The following CACNA1E variants were observed in gnomAD, a reference collection of about 807,000 sequenced individuals.
CACNA1E encodes the protein calcium voltage-gated channel subunit alpha1 E, also known as voltage-dependent R-type calcium channel subunit alpha-1E.
A neutral mutation model predicts 259.2 loss-of-function variants in CACNA1E; 40 were observed. The observed-to-expected ratio is 0.15, with a 90% CI of 0.12 to 0.20. The LOEUF (loss-of-function observed/expected upper bound fraction) is 0.20. Ranked by LOEUF, CACNA1E falls within the 10% of genes least tolerant of loss-of-function variation. CACNA1E has a pLI of 1.00. For synonymous variants in CACNA1E, 1,104 were observed against 1,138.5 expected, an observed-to-expected ratio of 0.97 and a Z score of 0.61; for missense variants, 1,874 against 3,040.1, an observed-to-expected ratio of 0.62 and a Z score of 9.02.
At chr1:181,588,274 T>C (rs912167853) in intron 6 of CACNA1E, among the ~76,000 whole-genome samples, 1 of 151,916 alleles carries the variant, frequency 6.6e-6, no homozygotes, top group African/African-American at 2.4e-5. Flanking sequence ...CTCCTCAGAG[T>C]GTCTGTCTCT....
At chr1:181,464,799 T>C (rs1662052188) in intron 2 of CACNA1E, among the ~76,000 whole-genome samples, 2 of 152,330 alleles carry the variant, frequency 1.3e-5, no homozygotes, top group African/African-American at 4.8e-5. Context: ...TACTTCACTT[T>C]ACAGCTATGT....
At chr1:181,718,290 TAAGATTAGCTA>T (rs1427569289) in intron 12 of CACNA1E, 123 bp downstream of exon 12, 1 of 592,102 alleles carries the variant, frequency 1.7e-6, no homozygotes. Flanking sequence ...GCGGAATAGA[TAAGATTAGCTA>T]AAGGGAATTC....
chr1:181,552,037 C>T (rs2102843886), intron 3 of CACNA1E, among the ~76,000 whole-genome samples: 1 of 152,280 alleles, frequency 6.6e-6, no homozygotes, highest in Non-Finnish European at 1.5e-5. Context: ...AACATTCATA[C>T]TTTTCTCAGC....
intron 1 of CACNA1E, among the ~76,000 whole-genome samples, chr1:181,402,996 G>T (rs1219868221): frequency 6.6e-6 from 1 of 152,140 alleles, no homozygotes; most frequent in African/African-American, 2.4e-5. Flanking sequence ...TAATAAACAT[G>T]AATTTCAGGT....
chr1:181,449,588 G>T (rs1661016298), intron 2 of CACNA1E, among the ~76,000 whole-genome samples: 5 of 152,162 alleles, frequency 3.3e-5, no homozygotes, highest in Admixed American at 3.3e-4. Flanking sequence ...CTTAGCTTCT[G>T]CATTGAGAGT....
intron 6 of CACNA1E, among the ~76,000 whole-genome samples, chr1:181,617,442 C>T (rs1481109665): frequency 2.6e-5 from 4 of 152,166 alleles, no homozygotes; most frequent in Admixed American, 1.3e-4. Flanking sequence ...GAAGGTGGGA[C>T]AGAGATCATC....
chr1:181,509,797 C>T (rs1046461930), intron 1 of CACNA1E, among the ~76,000 whole-genome samples: 7 of 152,166 alleles, frequency 4.6e-5, no homozygotes, highest in East Asian at 1.9e-4. Context: ...ATTCCAGACT[C>T]GTGATCAGTC....
In CACNA1E at chr1:181,594,818, C is replaced by T. The variant is rs369690040; in HGVS notation, c.951+14042C>T. Among the ~76,000 whole-genome samples the T allele has an allele frequency of 9.8e-5, 15 of 152,316 alleles. No homozygotes were observed. The East Asian group carries it at 2.1e-3, about 22-fold the overall frequency. ...AGGAACACCAATTCAGTACTTAGTG[C>T]ATACAATGGCTGTAAGAATTAAAGA... On this transcript the variant is annotated intron_variant, in intron 6 of 47. Transcript: ENST00000367573.
intron 3 of CACNA1E, among the ~76,000 whole-genome samples, chr1:181,558,698 T>C (rs1301570806): frequency 6.6e-6 from 1 of 152,180 alleles, no homozygotes; most frequent in Non-Finnish European, 1.5e-5. Context: ...GACATTATTC[T>C]AAAGTCAGCA....
intron 1 of CACNA1E, among the ~76,000 whole-genome samples, chr1:181,389,635 G>A (rs73042282): frequency 0.03 from 4,630 of 152,334 alleles, 215 homozygotes; most frequent in African/African-American, 0.094. Flanking sequence ...GGAGGTCCCA[G>A]GTAGTGGCTT....
At chr1:181,384,859 T>C (rs1655725836) in intron 1 of CACNA1E, among the ~76,000 whole-genome samples, 1 of 152,114 alleles carries the variant, frequency 6.6e-6, no homozygotes, top group Non-Finnish European at 1.5e-5. Context: ...CTGCACATTG[T>C]GCACACGTAC....
chr1:181,541,254 G>A (rs1274212595), intron 3 of CACNA1E, among the ~76,000 whole-genome samples: 1 of 152,108 alleles, frequency 6.6e-6, no homozygotes, highest in South Asian at 2.1e-4. Flanking sequence ...GATTTAACAG[G>A]TTTTTAGGCA....
intron 2 of CACNA1E, among the ~76,000 whole-genome samples, chr1:181,432,917 T>A (rs1659814665): frequency 6.6e-6 from 1 of 152,242 alleles, no homozygotes; most frequent in East Asian, 1.9e-4. Flanking sequence ...TTTAATCCAA[T>A]GCACCAAAAA....
chr1:181,645,961 G>T (rs1658230481), intron 6 of CACNA1E, among the ~76,000 whole-genome samples: 1 of 152,218 alleles, frequency 6.6e-6, no homozygotes, highest in Non-Finnish European at 1.5e-5. Context: ...GCTGGCCTGT[G>T]AGGTGCAGGA....
Position 181,473,969 on chromosome 1 carries a change from G to T in CACNA1E, c.435-9775G>T, listed in dbSNP as rs377703108. On this transcript the variant is annotated intron_variant, in intron 2 of 11. Transcript: ENST00000524607. ...TTTGAGAAATAAGGAAAGTGAATCT[G>T]GTTAGCATGGAGCCTTGCACATTGT... is the stretch of plus-strand genomic sequence containing the variant. Among the ~76,000 whole-genome samples the T allele has an allele frequency of 3.5e-4, 54 of 152,304 alleles. 1 individual carries two copies. In the South Asian group the frequency reaches 0.011, roughly 30 times the overall value.
intron 2 of CACNA1E, among the ~76,000 whole-genome samples, chr1:181,427,861 T>C (rs1659416305): frequency 6.7e-6 from 1 of 150,080 alleles, no homozygotes; most frequent in South Asian, 2.2e-4. Context: ...TTTGTTTTGC[T>C]CTTATTCTTT....
intron 2 of CACNA1E, among the ~76,000 whole-genome samples, chr1:181,475,575 C>T (rs1662786800): frequency 6.6e-6 from 1 of 152,118 alleles, no homozygotes; most frequent in Non-Finnish European, 1.5e-5. Flanking sequence ...ATGGGCATGA[C>T]ACGTTTGTTT....
At position 181,732,670 on chromosome 1, in the gene CACNA1E, G is replaced by A. The variant is rs778978507; in HGVS notation, c.2584G>A (p.Asp862Asn). 1 of 1,522,970 alleles carries A rather than the reference G, an allele frequency of 6.6e-7. No homozygotes were observed. Among genetic ancestry groups the A allele is most frequent in the Non-Finnish European group, 8.8e-7 (1 of 1,137,538 alleles). 94.3% of individuals were successfully genotyped at this position (1,522,970 alleles called of 1,614,324 possible). ...GGGGTCCCTCAAGGGGGATGGAGGG[G>A]ACCGATCCAGTGCCCTGGACAACCA... ...RGGSLKGDGGDRSSALDNQRT... is the reference protein window; with the variant it reads ...RGGSLKGDGGNRSSALDNQRT... The change falls in exon 20 of 48, where the codon GAC (aspartate) becomes AAC (asparagine). Residue 862 changes from aspartate (D) to asparagine (N), a missense_variant. Transcript: ENST00000367573. This position sits in a 1 kb window ranked among gnomAD's most constrained non-coding sequence, Gnocchi z 5.5.
At chr1:181,633,823 C>G (rs147466711) in intron 6 of CACNA1E, among the ~76,000 whole-genome samples, 4 of 152,164 alleles carry the variant, frequency 2.6e-5, no homozygotes, top group Middle Eastern at 3.2e-3. Context: ...ATTTTCAAAG[C>G]GCTATCCCAT....
Sources: allele counts gnomAD v4.1 joint callset (sites outside exome capture counted in the v4.1 genomes callset), GRCh38; gene constraint gnomAD v4.1.1; non-coding constraint Gnocchi (gnomAD v3.1); transcripts MANE v1.5; gene names NCBI Gene and HGNC (gene_info 2026-07-23, HGNC 2026-07-21).